METTL15: variants seen among roughly 807,000 people sequenced by gnomAD.
METTL15 encodes the protein 12S rRNA N(4)-cytidine methyltransferase METTL15.
METTL15 carries 34 observed loss-of-function variants against 38.3 expected under a neutral mutation model. The ratio of observed to expected loss-of-function variants is 0.89; its 90% CI spans 0.68 to 1.18. The LOEUF (loss-of-function observed/expected upper bound fraction) is 1.18, where lower values mean the gene tolerates loss of function less well. Ranked by LOEUF, METTL15 falls within the 50% of genes most tolerant of loss-of-function variation. The pLI is 0.00. For missense variants in METTL15, 438 were observed against 498.4 expected (o/e 0.88, Z 1.15); for synonymous variants, 162 against 170.9 (o/e 0.95, Z 0.41).
intron 6 of METTL15, among the ~76,000 whole-genome samples, chr11:28,498,051 C>A (rs1218800780): frequency 7.1e-6 from 1 of 139,866 alleles, no homozygotes. Context: ...GAGACTGTTT[C>A]AAAAAAAAAA....
intron 6 of METTL15, among the ~76,000 whole-genome samples, chr11:28,511,849 G>A (rs1163919748): frequency 6.6e-6 from 1 of 152,166 alleles, no homozygotes; most frequent in African/African-American, 2.4e-5. Flanking sequence ...GATGGCTCTG[G>A]CAGCCTGCTT....
chr11:28,222,350 G>A (rs1269022566), intron 4 of METTL15, among the ~76,000 whole-genome samples: 1 of 152,198 alleles, frequency 6.6e-6, no homozygotes, highest in African/African-American at 2.4e-5. Context: ...GACCCTCCTA[G>A]CCATGCCCAG....
intron 5 of METTL15, among the ~76,000 whole-genome samples, chr11:28,414,539 A>G (rs1318893898): frequency 2.6e-5 from 4 of 152,282 alleles, no homozygotes; most frequent in African/African-American, 9.6e-5. Flanking sequence ...ATCTATGGCA[A>G]TATTAATTGT....
At chr11:28,390,079 GT>G (rs1277217773) in intron 5 of METTL15, among the ~76,000 whole-genome samples, 4 of 151,042 alleles carry the variant, frequency 2.6e-5, no homozygotes, top group Admixed American at 1.3e-4. Context: ...TGATGGGGTT[GT>G]TTTTTTCTTG....
At chr11:28,467,878 G>A (rs1363086510) in intron 6 of METTL15, among the ~76,000 whole-genome samples, 1 of 152,144 alleles carries the variant, frequency 6.6e-6, no homozygotes, top group African/African-American at 2.4e-5. Context: ...GGCCAAGGAG[G>A]AGAAGGAAAC....
intron 3 of METTL15, among the ~76,000 whole-genome samples, chr11:28,114,720 G>A (rs1230319621): frequency 2.0e-5 from 3 of 152,092 alleles, no homozygotes; most frequent in African/African-American, 7.2e-5. Context: ...GAAAGTGTTG[G>A]GATTACAGGC....
intron 3 of METTL15, among the ~76,000 whole-genome samples, chr11:28,126,142 A>G (rs1852474535): frequency 6.6e-6 from 1 of 152,090 alleles, no homozygotes; most frequent in Admixed American, 6.6e-5. Context: ...CACATCCCAC[A>G]GATATACACA....
At chr11:28,338,578 T>G (rs980904604) in intron 3 of METTL15, among the ~76,000 whole-genome samples, 2 of 152,088 alleles carry the variant, frequency 1.3e-5, no homozygotes, top group African/African-American at 4.8e-5. Context: ...TACAAGGTAG[T>G]TAGTCCTAGG....
At chr11:28,413,941 T>C (rs1259796319) in intron 5 of METTL15, among the ~76,000 whole-genome samples, 1 of 152,216 alleles carries the variant, frequency 6.6e-6, no homozygotes, top group Non-Finnish European at 1.5e-5. Flanking sequence ...TTTCTTAACA[T>C]TCCTATTTGT....
chr11:28,259,207 T>C (rs1171784209), intron 4 of METTL15, among the ~76,000 whole-genome samples: 1 of 152,068 alleles, frequency 6.6e-6, no homozygotes, highest in Non-Finnish European at 1.5e-5. Context: ...GGCCTTATGA[T>C]TGACCAGTAC....
At chr11:28,215,043 G>C (rs904535634) in intron 4 of METTL15, among the ~76,000 whole-genome samples, 1 of 152,122 alleles carries the variant, frequency 6.6e-6, no homozygotes. Context: ...GATATAGAGA[G>C]AACTATCCAT....
intron 4 of METTL15, among the ~76,000 whole-genome samples, chr11:28,258,401 C>T (rs1316911895): frequency 6.6e-6 from 1 of 152,142 alleles, no homozygotes; most frequent in East Asian, 1.9e-4. Context: ...ATGTTCACTT[C>T]AGGCCCTGAG....
chr11:28,293,663 C>T (rs1217119753), intron 5 of METTL15, among the ~76,000 whole-genome samples: 5 of 151,110 alleles, frequency 3.3e-5, no homozygotes, highest in African/African-American at 7.3e-5. Context: ...GCCATTTTCA[C>T]GATATTGATT....
chr11:28,272,739 T>C lies in METTL15; in HGVS notation c.408-17467T>C, dbSNP rs535044400. On this transcript the variant is annotated intron_variant, in intron 4 of 6. Transcript: ENST00000407364. Reference sequence around the variant, plus strand: ...TATTAATAAAAGAAAAAAGAATTACTATATCAAGCAGTTGCTGAATCAGGT... The same window carrying C: ...TATTAATAAAAGAAAAAAGAATTACCATATCAAGCAGTTGCTGAATCAGGT... Among the ~76,000 whole-genome samples the C allele has an allele frequency of 1.1e-4, 17 of 152,232 alleles. No homozygotes were observed. In the South Asian group the frequency reaches 2.7e-3, roughly 24 times the overall value.
At chr11:28,370,304 A>AATAT (rs1850229919) in intron 5 of METTL15, among the ~76,000 whole-genome samples, 2 of 151,012 alleles carry the variant, frequency 1.3e-5, no homozygotes, top group African/African-American at 2.4e-5. Flanking sequence ...GAGTGAGAAC[A>AATAT]TGCAATATTT....
intron 5 of METTL15, among the ~76,000 whole-genome samples, chr11:28,403,760 T>TATG (rs1208710367): frequency 2.0e-5 from 3 of 152,104 alleles, no homozygotes; most frequent in African/African-American, 7.2e-5. Context: ...TTAATGTTTT[T>TATG]ATGTCATTTT....
chr11:28,366,913 T>C (rs1231957384), intron 5 of METTL15, among the ~76,000 whole-genome samples: 1 of 152,108 alleles, frequency 6.6e-6, no homozygotes, highest in African/African-American at 2.4e-5. Flanking sequence ...GAAGTCACAG[T>C]ACCCCAAGCA....
At chr11:28,198,982 ATTTT>A (rs34011846) in intron 3 of METTL15, among the ~76,000 whole-genome samples, 3 of 146,134 alleles carry the variant, frequency 2.1e-5, no homozygotes, top group Non-Finnish European at 4.5e-5. Context: ...CTTTTTAGTG[ATTTT>A]TTTTTTTTTT....
intron 5 of METTL15, among the ~76,000 whole-genome samples, chr11:28,366,557 C>T (rs539192373): frequency 1.3e-5 from 2 of 152,112 alleles, no homozygotes; most frequent in African/African-American, 4.8e-5. Flanking sequence ...AGCAGTGAGT[C>T]CCTTCACCCA....
Sources: gnomAD v4.1 joint callset for allele counts (sites outside exome capture counted in the v4.1 genomes callset) on GRCh38, gnomAD v4.1.1 for gene constraint, MANE v1.5 for transcripts, NCBI Gene and HGNC (gene_info 2026-07-23, HGNC 2026-07-21) for gene names.